The following HECW2 variants were observed in gnomAD, a reference collection of about 807,000 sequenced individuals.
The protein encoded by HECW2 is E3 ubiquitin-protein ligase HECW2.
HECW2 carries 61 observed loss-of-function variants against 175.2 expected under a neutral mutation model. The ratio of observed to expected loss-of-function variants is 0.35; its 90% CI spans 0.28 to 0.43. HECW2 has a LOEUF of 0.43. Ranked by LOEUF, HECW2 falls within the 20% of genes least tolerant of loss-of-function variation. HECW2 has a pLI of 1.00. For synonymous variants in HECW2, 671 were observed against 731.0 expected, an observed-to-expected ratio of 0.92 and a Z score of 1.32; for missense variants, 1,524 against 2,000.5, an observed-to-expected ratio of 0.76 and a Z score of 4.54.
intron 17 of HECW2, among the ~76,000 whole-genome samples, chr2:196,262,535 A>G (rs1405558057): frequency 2.0e-5 from 3 of 151,728 alleles, no homozygotes; most frequent in East Asian, 1.9e-4. Flanking sequence ...CTTTTGAAAC[A>G]TAAGTTTCTT....
intron 1 of HECW2, among the ~76,000 whole-genome samples, chr2:196,450,662 G>A (rs1166895559): frequency 6.6e-6 from 1 of 151,810 alleles, no homozygotes; most frequent in Non-Finnish European, 1.5e-5. Flanking sequence ...TTTGCATTTA[G>A]TAGAGACAGG....
intron 2 of HECW2, among the ~76,000 whole-genome samples, chr2:196,384,768 T>C (rs1038726228): frequency 1.3e-5 from 2 of 152,224 alleles, no homozygotes; most frequent in African/African-American, 4.8e-5. Flanking sequence ...AGGCTGCCAA[T>C]TGATTAACTT....
chr2:196,312,923 G>A (rs1367838163), intron 10 of HECW2, among the ~76,000 whole-genome samples: 1 of 152,070 alleles, frequency 6.6e-6, no homozygotes, highest in African/African-American at 2.4e-5. Context: ...CATGGTTTTA[G>A]GCCTTCATTT....
chr2:196,301,427 G>A (rs1691048405), intron 13 of HECW2, among the ~76,000 whole-genome samples: 1 of 151,912 alleles, frequency 6.6e-6, no homozygotes, highest in Admixed American at 6.6e-5. Flanking sequence ...GGTATTTCTG[G>A]TTCTAGATCT....
At chr2:196,214,892 T>C (rs988784894) in intron 28 of HECW2, among the ~76,000 whole-genome samples, 1 of 152,210 alleles carries the variant, frequency 6.6e-6, no homozygotes, top group Admixed American at 6.5e-5. Flanking sequence ...TGTCACCTTA[T>C]ATAGTAACAA....
chr2:196,416,128 A>C (rs28479768), intron 2 of HECW2, among the ~76,000 whole-genome samples: 4,509 of 152,334 alleles, frequency 0.03, 223 homozygotes, highest in African/African-American at 0.1. Flanking sequence ...TGCATTGGTC[A>C]CACTGACCTT....
chr2:196,374,040 T>A (rs188811650), intron 2 of HECW2, among the ~76,000 whole-genome samples: 27,883 of 145,642 alleles, frequency 0.19, 4,064 homozygotes, highest in African/African-American at 0.44. Flanking sequence ...TCAAAAAAAA[T>A]AAAATAAAAT....
At chr2:196,493,603 A>G (rs1687277145) in intron 1 of HECW2, among the ~76,000 whole-genome samples, 1 of 152,188 alleles carries the variant, frequency 6.6e-6, no homozygotes, top group Non-Finnish European at 1.5e-5. Flanking sequence ...ACCACAAATT[A>G]AAAGTGATCA....
chr2:196,400,499 G>C (rs374754795), intron 2 of HECW2, among the ~76,000 whole-genome samples: 1 of 152,128 alleles, frequency 6.6e-6, no homozygotes, highest in Admixed American at 6.5e-5. Flanking sequence ...TCAGAAGCAC[G>C]GGATACTTGA....
chr2:196,308,690 A>C (rs985873975), intron 10 of HECW2, among the ~76,000 whole-genome samples: 3 of 152,208 alleles, frequency 2.0e-5, no homozygotes, highest in Admixed American at 1.3e-4. Flanking sequence ...CCCAACCTCA[A>C]ATAAACATAA....
At chr2:196,459,355 G>A (rs998105865) in intron 1 of HECW2, among the ~76,000 whole-genome samples, 2 of 152,120 alleles carry the variant, frequency 1.3e-5, no homozygotes, top group Non-Finnish European at 2.9e-5. Context: ...CAGTTAAAGG[G>A]GGGAAAAGTA....
chr2:196,455,311 C>A (rs142602963), intron 1 of HECW2, among the ~76,000 whole-genome samples: 1 of 152,194 alleles, frequency 6.6e-6, no homozygotes, highest in Non-Finnish European at 1.5e-5. Context: ...GGATTACAGG[C>A]GTAGGCCACA....
intron 2 of HECW2, among the ~76,000 whole-genome samples, chr2:196,396,533 A>C (rs1398382729): frequency 6.6e-6 from 1 of 152,228 alleles, no homozygotes; most frequent in Non-Finnish European, 1.5e-5. Flanking sequence ...AACATATAAG[A>C]CCATTTCAAT....
intron 13 of HECW2, among the ~76,000 whole-genome samples, chr2:196,305,816 G>A (rs1402816531): frequency 6.6e-6 from 1 of 152,080 alleles, no homozygotes; most frequent in Non-Finnish European, 1.5e-5. Flanking sequence ...ATGCCATGAT[G>A]AATGGATTAT....
At chr2:196,322,735 A>C (rs576648327) in intron 6 of HECW2, 115 bp from the exon 7 acceptor site, 1 of 871,504 alleles carries the variant, frequency 1.1e-6, no homozygotes, top group Non-Finnish European at 1.7e-6. Flanking sequence ...ACAGAGTTCC[A>C]CATAGCTAGA....
intron 17 of HECW2, chr2:196,262,985 A>C (rs1353874258): frequency 6.6e-6 from 1 of 151,786 alleles, no homozygotes; most frequent in African/African-American, 2.4e-5. Context: ...GCTCCTAACA[A>C]TTTCCACCCG....
chr2:196,374,680 C>T (rs1363406518), intron 2 of HECW2, among the ~76,000 whole-genome samples: 1 of 152,118 alleles, frequency 6.6e-6, no homozygotes, highest in South Asian at 2.1e-4. Flanking sequence ...TTTCATTTAT[C>T]AAGCAGTTTC....
intron 2 of HECW2, among the ~76,000 whole-genome samples, chr2:196,398,461 T>C (rs1694732020): frequency 6.6e-6 from 1 of 152,156 alleles, no homozygotes; most frequent in Admixed American, 6.5e-5. Flanking sequence ...CAGGAGCTGG[T>C]GGAAAACATA....
At chr2:196,549,277 A>G (rs988926063) in intron 1 of HECW2, among the ~76,000 whole-genome samples, 1 of 152,214 alleles carries the variant, frequency 6.6e-6, no homozygotes, top group Non-Finnish European at 1.5e-5. Context: ...GGACCCCTGT[A>G]TGCGCTTTCC....
Sources: allele counts gnomAD v4.1 joint callset (sites outside exome capture counted in the v4.1 genomes callset), GRCh38; gene constraint gnomAD v4.1.1; transcripts MANE v1.5; gene names NCBI Gene and HGNC (gene_info 2026-07-23, HGNC 2026-07-21).